RAB38: variants seen among roughly 807,000 people sequenced by gnomAD.
The protein encoded by RAB38 is ras-related protein Rab-38.
RAB38 carries 15 observed loss-of-function variants against 18.4 expected under a neutral mutation model. The observed-to-expected ratio is 0.82, with a 90% CI of 0.55 to 1.26. The LOEUF (loss-of-function observed/expected upper bound fraction) is 1.26, where lower values mean the gene tolerates loss of function less well. RAB38 is among the 50% of genes most tolerant of loss of function. The pLI, the probability that RAB38 is intolerant of heterozygous loss-of-function variation, is 0.00. For synonymous variants in RAB38, 101 were observed against 104.4 expected (o/e 0.97, Z 0.20); for missense variants, 294 against 267.4 (o/e 1.10, Z -0.69).
the RAB38 span, among the ~76,000 whole-genome samples, chr11:87,856,542 C>T: frequency 6.6e-6 from 1 of 152,124 alleles, no homozygotes. Context: ...AGTATGTGAA[C>T]ATAACAAACA....
intron 2 of RAB38, 104 bp from the exon 3 acceptor site, chr11:88,114,244 G>A: frequency 8.4e-7 from 1 of 1,184,224 alleles, no homozygotes; most frequent in South Asian, 1.4e-5. Flanking sequence ...CTTCCTATAT[G>A]CTACATATGC....
In RAB38 at chr11:88,149,567, AC is replaced by A. The variant is rs1235416223; in HGVS notation, c.483+107del. ...GAGCTTAGAGCAATGTGAAAACCAT[AC>A]ATCACTAAACAAACATATTATTATC... On this transcript the variant is annotated intron_variant, in intron 2 of 2. Coordinates refer to ENST00000243662, the MANE Select transcript of RAB38 (RefSeq NM_022337.3). The A allele has an allele frequency of 3.8e-6, 5 of 1,304,906 alleles. No homozygotes were observed. In the Admixed American group the frequency reaches 1.2e-4, roughly 32 times the overall value. The allele number at this position is 1,304,906 out of a possible 1,614,324, so 80.8% of individuals were successfully genotyped here. A position where few individuals can be genotyped will look rare whatever the true frequency, so the allele number is the denominator to read the frequency against.
chr11:87,948,577 T>C, the RAB38 span, among the ~76,000 whole-genome samples: 33 of 152,066 alleles, frequency 2.2e-4, no homozygotes, highest in Non-Finnish European at 4.0e-4. Flanking sequence ...CCCATCAATA[T>C]CTAATTTATT....
the RAB38 span, among the ~76,000 whole-genome samples, chr11:87,850,905 A>G: frequency 6.6e-6 from 1 of 152,198 alleles, no homozygotes; most frequent in Non-Finnish European, 1.5e-5. Flanking sequence ...ATCAAAGTGC[A>G]TGTCCTTTTC....
intron 2 of RAB38, among the ~76,000 whole-genome samples, chr11:88,137,819 T>C (rs1414639488): frequency 2.0e-5 from 3 of 152,198 alleles, no homozygotes; most frequent in Admixed American, 2.0e-4. Flanking sequence ...AAACAGCTTA[T>C]GCACAAAGCT....
the RAB38 span, among the ~76,000 whole-genome samples, chr11:87,824,486 T>A: frequency 6.6e-6 from 1 of 152,182 alleles, no homozygotes; most frequent in Admixed American, 6.5e-5. Context: ...GGAGGAAACA[T>A]ACAAAGTTAG....
At chr11:87,951,214 C>G in the RAB38 span, among the ~76,000 whole-genome samples, 1 of 152,118 alleles carries the variant, frequency 6.6e-6, no homozygotes, top group South Asian at 2.1e-4. Flanking sequence ...ACATAGCTCT[C>G]GTGCCTTGGT....
At chr11:87,863,683 C>T in the RAB38 span, among the ~76,000 whole-genome samples, 36 of 151,780 alleles carry the variant, frequency 2.4e-4, no homozygotes, top group Non-Finnish European at 3.4e-4. Flanking sequence ...GATAGAATCA[C>T]TTTCTGCTTG....
intron 1 of RAB38, among the ~76,000 whole-genome samples, chr11:88,157,443 A>T (rs1196799943): frequency 1.3e-5 from 2 of 152,206 alleles, no homozygotes; most frequent in Non-Finnish European, 2.9e-5. Flanking sequence ...TGAGCAAGGC[A>T]GAAAACTAAC....
the RAB38 span, among the ~76,000 whole-genome samples, chr11:88,089,644 C>T: frequency 6.6e-6 from 1 of 151,840 alleles, no homozygotes; most frequent in Non-Finnish European, 1.5e-5. Flanking sequence ...GTTGACAATA[C>T]TTGCAAGTCA....
At chr11:88,101,119 G>C in the RAB38 span, among the ~76,000 whole-genome samples, 4 of 151,904 alleles carry the variant, frequency 2.6e-5, no homozygotes, top group African/African-American at 4.8e-5. Flanking sequence ...ACCTGGAAAG[G>C]CCTTCTGCTG....
At chr11:87,976,396 CATATTTATATATTTATAT>C in the RAB38 span, among the ~76,000 whole-genome samples, 1 of 135,840 alleles carries the variant, frequency 7.4e-6, no homozygotes, top group Non-Finnish European at 1.5e-5. Context: ...TATATATACA[CATATTTATATATTTATAT>C]ATATTTATAT....
the RAB38 span, among the ~76,000 whole-genome samples, chr11:87,976,688 T>A: frequency 4.4e-5 from 2 of 45,918 alleles, no homozygotes; most frequent in Non-Finnish European, 8.7e-5. Context: ...TATTTATATA[T>A]TTACAATATA....
chr11:88,044,608 T>C, the RAB38 span, among the ~76,000 whole-genome samples: 1 of 152,150 alleles, frequency 6.6e-6, no homozygotes, highest in Admixed American at 6.5e-5. Flanking sequence ...AAGATCTAGA[T>C]AATTATTGCC....
chr11:88,022,745 G>C, the RAB38 span, among the ~76,000 whole-genome samples: 5 of 151,478 alleles, frequency 3.3e-5, no homozygotes, highest in Non-Finnish European at 5.9e-5. Context: ...TAGCCATACA[G>C]TATTCCATGG....
chr11:88,052,167 G>C, the RAB38 span, among the ~76,000 whole-genome samples: 1 of 152,022 alleles, frequency 6.6e-6, no homozygotes, highest in African/African-American at 2.4e-5. Flanking sequence ...ACCTGTTGGG[G>C]TTGACAGTGA....
the RAB38 span, among the ~76,000 whole-genome samples, chr11:87,899,453 G>A: frequency 6.6e-6 from 1 of 151,628 alleles, no homozygotes; most frequent in Non-Finnish European, 1.5e-5. Flanking sequence ...ACAATGAAAG[G>A]AGAGAGAAGC....
the RAB38 span, among the ~76,000 whole-genome samples, chr11:87,920,004 ATTTATTTGAGTCTTCTCCC>A: frequency 6.6e-6 from 1 of 151,430 alleles, no homozygotes; most frequent in Non-Finnish European, 1.5e-5. Flanking sequence ...TTCTCTTTTT[ATTTATTTGAGTCTTCTCCC>A]TTTATTTGAG....
chr11:88,154,397 C>T (rs1183049182), intron 1 of RAB38, among the ~76,000 whole-genome samples: 1 of 152,198 alleles, frequency 6.6e-6, no homozygotes, highest in Non-Finnish European at 1.5e-5. Context: ...CTGTCACAAC[C>T]TTGGGACAGG....
Sources: gnomAD v4.1 joint callset for allele counts (sites outside exome capture counted in the v4.1 genomes callset) on GRCh38, gnomAD v4.1.1 for gene constraint, MANE v1.5 for transcripts, NCBI Gene and HGNC (gene_info 2026-07-23, HGNC 2026-07-21) for gene names.